TMEM25: variants seen among roughly 807,000 people sequenced by gnomAD.
The protein encoded by TMEM25 is 0610039J01Rik.
TMEM25 carries 36 observed loss-of-function variants against 37.0 expected under a neutral mutation model. The ratio of observed to expected loss-of-function variants is 0.97; its 90% confidence interval spans 0.75 to 1.28. The LOEUF (loss-of-function observed/expected upper bound fraction) is 1.28, where lower values mean the gene tolerates loss of function less well. Among genes scored for constraint, TMEM25 ranks in the 50% most tolerant of loss-of-function variants. The pLI is 0.00. For missense variants in TMEM25, 444 were observed against 477.9 expected, an observed-to-expected ratio of 0.93 and a Z score of 0.66; for synonymous variants, 197 against 203.7, an observed-to-expected ratio of 0.97 and a Z score of 0.28.
intron 8 of TMEM25, chr11:118,546,101 T>C: frequency 1.4e-6 from 1 of 718,542 alleles, no homozygotes; most frequent in Non-Finnish European, 2.6e-6. Context: ...TAATCCAGTA[T>C]GACTGGTGTC....
intron 1 of TMEM25, 60 bp downstream of exon 1, chr11:118,531,294 C>T: frequency 5.8e-6 from 2 of 346,498 alleles, no homozygotes; most frequent in South Asian, 5.7e-5. Flanking sequence ...ACCCTCCGAC[C>T]CTCTCCTCTT....
At position 118,533,906 on chromosome 11, in the gene TMEM25, G is replaced by C; in HGVS notation, c.836+19G>C. 6.2e-7 allele frequency: 1 copy of C among 1,614,134 alleles called. No individual in the cohort carries two copies. Among genetic ancestry groups the C allele is most frequent in the East Asian group, 2.2e-5 (1 of 44,878 alleles). On this transcript the variant is annotated intron_variant, in intron 6 of 8. Coordinates refer to ENST00000313236, the MANE Select transcript of TMEM25 (RefSeq NM_032780.4). ...TATCAAGGTAACTCTTCCTTGGGCT[G>C]GGTGGACAAGCCTAACCGAAATGCA...
Position 118,535,613 on chromosome 11 carries a change from CA to C in TMEM25, c.*1034del, listed in dbSNP as rs1565337240. ...TGGTCGCCACAGGCACATAATTCAA[CA>C]GTGTGGAAGCTTTAGGGGAACATGG... On this transcript the variant is annotated 3_prime_UTR_variant, in exon 9 of 9. Transcript: ENST00000313236. 6.5e-7 allele frequency: 1 copy of C among 1,534,714 alleles called. No individual in the cohort carries two copies. Among genetic ancestry groups the C allele is most frequent in the Admixed American group, 2.0e-5 (1 of 50,942 alleles).
chr11:118,533,001 G>A lies in TMEM25; in HGVS notation c.467G>A (p.Arg156His), dbSNP rs113919895. The change falls in exon 4 of 9, where the codon CGT (arginine) becomes CAT (histidine). Residue 156 changes from arginine (R) to histidine (H), a missense_variant. Physicochemically the swap from Arg to His is conservative, Grantham distance 29. Coordinates refer to ENST00000313236, the MANE Select transcript of TMEM25 (RefSeq NM_032780.4). ...GLLVVLFALVRANPPANVTWI... is the reference protein window; with the variant it reads ...GLLVVLFALVHANPPANVTWI... Reference sequence around the variant, plus strand: ...CTGGTTGTCCTGTTTGCCCTGGTGCGTGCCAACCCGCCGGCCAATGTCACC... The same window carrying A: ...CTGGTTGTCCTGTTTGCCCTGGTGCATGCCAACCCGCCGGCCAATGTCACC... The A allele has an allele frequency of 3.2e-5, 51 of 1,614,250 alleles. No homozygotes were observed. Among genetic ancestry groups the A allele is most frequent in the Middle Eastern group, 1.6e-4 (1 of 6,062 alleles).
In TMEM25 at chr11:118,534,786, G is replaced by A. The variant is rs1951462359; in HGVS notation, c.*206G>A. On this transcript the variant is annotated 3_prime_UTR_variant, in exon 9 of 9. Transcript: ENST00000313236. The surrounding 1 kb of genome is among the most constrained non-coding windows in gnomAD (Gnocchi z 4.6). ...GCAGGGGCACAGGTATCTTTGGCAA[G>A]GCTACCAGTTGGACGTAAGCCCCTC... 7.1e-7 allele frequency: 1 copy of A among 1,410,114 alleles called. No homozygotes were observed. The highest frequency in any genetic ancestry group is 1.4e-5 in the African/African-American group (1 of 69,254). 87.4% of individuals were successfully genotyped at this position (1,410,114 alleles called of 1,614,324 possible).
At position 118,532,297 on chromosome 11, in the gene TMEM25, A is replaced by G. The variant is rs782112229; in HGVS notation, c.218A>G (p.Glu73Gly). Reference protein sequence around the residue: ...LAWYLDGQLQEASTSRLLSVG... With the variant: ...LAWYLDGQLQGASTSRLLSVG... ...TGGTATCTGGATGGACAGCTGCAGG[A>G]GGCCAGCACCTCAAGACTGCTGAGC... Residue 73 changes from glutamate to glycine, a missense_variant, in exon 3 of 9, where the codon GAG becomes GGG. By Grantham distance (98) the Glu-to-Gly change is moderately conservative. Transcript: ENST00000313236. The G allele has an allele frequency of 6.2e-7, 1 of 1,614,182 alleles. No individual in the cohort carries two copies. The highest frequency in any genetic ancestry group is 8.5e-7 in the Non-Finnish European group (1 of 1,180,012).
In TMEM25 at chr11:118,533,513, T is replaced by C; in HGVS notation, c.767T>C (p.Val256Ala). ...LGTLVGFSTL[V>A]ACLVCRKEKK... ...ACCCTCGTGGGGTTCAGCACCTTGGTGGCCTGCCTGGTCTGCAGAAAAGAG... is the reference window on the plus strand; with the variant it reads ...ACCCTCGTGGGGTTCAGCACCTTGGCGGCCTGCCTGGTCTGCAGAAAAGAG... The change falls in exon 5 of 9, where the codon GTG becomes GCG. Residue 256 changes from valine (V) to alanine (A), a missense_variant. Transcript: ENST00000313236. 1 of 1,614,170 alleles carries C rather than the reference T, an allele frequency of 6.2e-7. No homozygotes were observed. The highest frequency in any genetic ancestry group is 1.1e-5 in the South Asian group (1 of 91,080).
intron 1 of TMEM25, 84 bp from the exon 2 acceptor site, chr11:118,531,691 T>C: frequency 9.3e-7 from 1 of 1,074,280 alleles, no homozygotes; most frequent in Non-Finnish European, 1.3e-6. Context: ...CATGGTTCTT[T>C]TTGTTTCTGG....
chr11:118,533,361 T>C (rs1951385789), intron 4 of TMEM25, 59 bp from the exon 5 acceptor site: 3 of 1,608,548 alleles, frequency 1.9e-6, no homozygotes, highest in Admixed American at 3.3e-5. Flanking sequence ...GTAGTACCTA[T>C]GGCATGTTGG....
At chr11:118,542,912 C>CAAAA (rs1429870966) in intron 8 of TMEM25, among the ~76,000 whole-genome samples, 3 of 150,630 alleles carry the variant, frequency 2.0e-5, no homozygotes, top group Admixed American at 6.6e-5. Flanking sequence ...GACTCTGTCT[C>CAAAA]AAACAAACAA....
At chr11:118,541,350 T>C (rs1951575734) in intron 8 of TMEM25, among the ~76,000 whole-genome samples, 1 of 150,938 alleles carries the variant, frequency 6.6e-6, no homozygotes, top group African/African-American at 2.4e-5. Context: ...TAGTCCTAAC[T>C]ACTCGGGAGG....
chr11:118,533,025 C>A lies in TMEM25; in HGVS notation c.491C>A (p.Thr164Asn). ...CGTGCCAACCCGCCGGCCAATGTCA[C>A]CTGGATCGACCAGGATGGGCCAGTG... ...LVRANPPANV[T>N]WIDQDGPVTV... is the part of the protein sequence containing the mutation. Residue 164 changes from threonine (T) to asparagine (N), a missense_variant, in exon 4 of 9, where the codon ACC (threonine) becomes AAC (asparagine). By Grantham distance (65) the Thr-to-Asn change is moderately conservative (BLOSUM62 0). Coordinates refer to ENST00000313236, the MANE Select transcript of TMEM25 (RefSeq NM_032780.4). 6.2e-7 allele frequency: 1 copy of A among 1,614,256 alleles called. No homozygotes were observed. The highest frequency in any genetic ancestry group is 8.5e-7 in the Non-Finnish European group (1 of 1,180,046).
In TMEM25 at chr11:118,534,324, C is replaced by A; in HGVS notation, c.996C>A (p.Asp332Glu). 1 of 1,614,112 alleles carries A rather than the reference C, an allele frequency of 6.2e-7. No homozygotes were observed. The highest frequency in any genetic ancestry group is 8.5e-7 in the Non-Finnish European group (1 of 1,180,016). ...ACAACAGCCGGCCAGAGCTTCTGGACCCGGAGCCCGGCGGCCTCCTCACCA... is the reference window on the plus strand; with the variant it reads ...ACAACAGCCGGCCAGAGCTTCTGGAACCGGAGCCCGGCGGCCTCCTCACCA... ...AQNNSRPELL[D>E]PEPGGLLTSQ... The change falls in exon 8 of 9, where the codon GAC (aspartate) becomes GAA (glutamate). Residue 332 changes from aspartate (D) to glutamate (E), a missense_variant. Coordinates refer to ENST00000313236, the MANE Select transcript of TMEM25 (RefSeq NM_032780.4). The surrounding 1 kb of genome is among the most constrained non-coding windows in gnomAD (Gnocchi z 4.6).
chr11:118,537,397 T>C (rs1044489804), downstream of TMEM25, among the ~76,000 whole-genome samples: 2 of 152,082 alleles, frequency 1.3e-5, no homozygotes, highest in African/African-American at 2.4e-5. Flanking sequence ...TGGTGTGACA[T>C]GTGTATAATG....
chr11:118,546,370 A>G lies in TMEM25; in HGVS notation c.*223A>G, dbSNP rs1134750. 1,370 of 525,460 alleles carry G rather than the reference A, an allele frequency of 2.6e-3. 16 individuals carry two copies. The highest frequency in any genetic ancestry group is 0.024 in the African/African-American group (1,248 of 52,040). The allele number at this position is 525,460 out of a possible 1,614,324, so 32.5% of individuals were successfully genotyped here. A position where few individuals can be genotyped will look rare whatever the true frequency, so the allele number is the denominator to read the frequency against. On this transcript the variant is annotated 3_prime_UTR_variant, in exon 9 of 9. Transcript: ENST00000354284. ...GCCGGGTGTGGTGTTGAGTATCTGTAGTCCCAGCTACTTGGGAGGCTGGGG... is the reference window on the plus strand; with the variant it reads ...GCCGGGTGTGGTGTTGAGTATCTGTGGTCCCAGCTACTTGGGAGGCTGGGG...
chr11:118,531,567 CTT>C, intron 1 of TMEM25: 1 of 572,810 alleles, frequency 1.7e-6, no homozygotes, highest in Non-Finnish European at 3.1e-6. Context: ...TCAGTGCTCG[CTT>C]CTGCGCCTGC....
Position 118,534,345 on chromosome 11 carries a change from C to T in TMEM25, c.1017C>T (p.Leu339=), listed in dbSNP as rs782527989. ...ELLDPEPGGL[L]TSQGFIRLPV... ...TGGACCCGGAGCCCGGCGGCCTCCT[C>T]ACCAGCCAAGGTACTGGGGAAGGGG... Residue 339 remains leucine, a synonymous_variant, in exon 8 of 9, where the codon CTC becomes CTT. Transcript: ENST00000313236. This position sits in a 1 kb window ranked among gnomAD's most constrained non-coding sequence, Gnocchi z 4.6. The T allele has an allele frequency of 1.9e-6, 3 of 1,614,018 alleles. No individual in the cohort carries two copies. Among genetic ancestry groups the T allele is most frequent in the Admixed American group, 1.7e-5 (1 of 60,008 alleles).
chr11:118,544,954 A>T, intron 8 of TMEM25: 2 of 1,613,848 alleles, frequency 1.2e-6, no homozygotes, highest in Non-Finnish European at 1.7e-6. Flanking sequence ...CCAGCTTGGG[A>T]GGTGGAATTG....
intron 8 of TMEM25, among the ~76,000 whole-genome samples, chr11:118,543,384 G>A (rs868985189): frequency 2.0e-5 from 3 of 151,988 alleles, no homozygotes; most frequent in Middle Eastern, 3.2e-3. Flanking sequence ...TGCTACCAGC[G>A]CCGGCAATGA....
Sources: gnomAD v4.1 joint callset for allele counts (sites outside exome capture counted in the v4.1 genomes callset) on GRCh38, gnomAD v4.1.1 for gene constraint, Gnocchi (gnomAD v3.1) non-coding constraint, MANE v1.5 for transcripts, NCBI Gene and HGNC (gene_info 2026-07-23, HGNC 2026-07-21) for gene names.